METTL2B: variants seen among roughly 807,000 people sequenced by gnomAD.
METTL2B encodes the protein methyltransferase 2B, tRNA N3-cytidine.
In METTL2B, 28 loss-of-function variants were observed where a neutral mutation model predicts 51.0. That is an observed-to-expected ratio of 0.55 (90% CI 0.41 to 0.75). METTL2B has a LOEUF of 0.75. Among genes scored for constraint, METTL2B ranks in the 30% least tolerant of loss-of-function variants. METTL2B has a pLI of 0.00. For missense variants in METTL2B, 313 were observed against 460.7 expected (o/e 0.68, Z 2.93); for synonymous variants, 128 against 166.3 (o/e 0.77, Z 1.77).
chr7:128,501,042 A>T, intron 8 of METTL2B, 74 bp downstream of exon 8: 1 of 1,603,026 alleles, frequency 6.2e-7, no homozygotes, highest in Non-Finnish European at 8.5e-7. Flanking sequence ...CAGAAGGAAA[A>T]CTATCTGGCC....
At chr7:128,490,785 A>G (rs1460432846) in intron 5 of METTL2B, among the ~76,000 whole-genome samples, 1 of 152,194 alleles carries the variant, frequency 6.6e-6, no homozygotes, top group Non-Finnish European at 1.5e-5. Context: ...TAAATACAGC[A>G]GCCCTGTTTG....
rs765973988 is a variant in METTL2B at position 128,479,276 on chromosome 7, A to G, written c.321A>G (p.Gln107=). The G allele has an allele frequency of 1.1e-5, 18 of 1,614,252 alleles. No homozygotes were observed. The highest frequency in any genetic ancestry group is 1.5e-5 in the Non-Finnish European group (18 of 1,180,038). Residue 107 remains glutamine (Q), a synonymous_variant, in exon 3 of 9, where the codon CAA becomes CAG. Coordinates refer to ENST00000262432, the MANE Select transcript of METTL2B (RefSeq NM_018396.3). ...FTEFPELAPS[Q]NQNHLKDWFL... is the part of the protein sequence containing the mutation. ...AATTCCCTGAGCTGGCACCTAGCCA[A>G]AATCAAAATCATTTGAAGGATTGGT...
rs771514640 is a variant in METTL2B, at chr7:128,476,871, G to A, written c.106G>A (p.Ala36Thr). ...TCCGGCGCGCGTCTTCCACCACAAT[G>A]CCTGGTAATCACCCTGCCCCCTCGC... Reference protein sequence around the residue: ...SDPARVFHHNAWDNVEWSEEQ... With the variant: ...SDPARVFHHNTWDNVEWSEEQ... The change falls in exon 1 of 9, where the codon GCC becomes ACC. Residue 36 changes from alanine (A) to threonine (T), a missense_variant. This residue lies in a region of METTL2B where 66 missense variants were observed against 58.2 expected (regional missense o/e 1.13). Coordinates refer to ENST00000262432, the MANE Select transcript of METTL2B (RefSeq NM_018396.3). 1.5e-5 allele frequency: 25 copies of A among 1,613,934 alleles called. No individual in the cohort carries two copies. In the East Asian group the frequency reaches 1.6e-4, roughly 10 times the overall value.
intron 4 of METTL2B, among the ~76,000 whole-genome samples, chr7:128,482,215 A>G (rs1488388075): frequency 1.3e-5 from 2 of 152,112 alleles, no homozygotes; most frequent in Non-Finnish European, 2.9e-5. Context: ...GTACAGTGGC[A>G]CAATCTCGAC....
chr7:128,484,615 T>C (rs1455469657), intron 4 of METTL2B, among the ~76,000 whole-genome samples: 1 of 152,068 alleles, frequency 6.6e-6, no homozygotes, highest in Non-Finnish European at 1.5e-5. Flanking sequence ...GGTTTTGAGG[T>C]GGCATCTTGC....
intron 6 of METTL2B, among the ~76,000 whole-genome samples, chr7:128,495,661 C>T (rs1456237419): frequency 6.6e-6 from 1 of 152,088 alleles, no homozygotes; most frequent in Non-Finnish European, 1.5e-5. Context: ...CCATGTTGGC[C>T]AGGCTGATCT....
chr7:128,486,426 C>G (rs768093267), intron 4 of METTL2B, among the ~76,000 whole-genome samples: 2 of 151,968 alleles, frequency 1.3e-5, no homozygotes, highest in Non-Finnish European at 1.5e-5. Flanking sequence ...ATGGTGAAAC[C>G]CTGTCTCTCC....
chr7:128,496,548 C>T (rs1792925544), intron 6 of METTL2B, among the ~76,000 whole-genome samples: 1 of 151,486 alleles, frequency 6.6e-6, no homozygotes, highest in Non-Finnish European at 1.5e-5. Context: ...GACCCTGTCT[C>T]AAAAAAAACC....
At chr7:128,501,017 T>C in intron 8 of METTL2B, 49 bp downstream of exon 8, 1 of 1,610,878 alleles carries the variant, frequency 6.2e-7, no homozygotes, top group Non-Finnish European at 8.5e-7. Context: ...TACCAGATGG[T>C]CTTCAAGGCA....
chr7:128,481,961 G>A (rs1423359373), intron 4 of METTL2B, among the ~76,000 whole-genome samples: 1 of 152,034 alleles, frequency 6.6e-6, no homozygotes, highest in Non-Finnish European at 1.5e-5. Flanking sequence ...TTTTTATACA[G>A]CTAGGACACA....
chr7:128,480,969 T>C (rs1799865675), intron 4 of METTL2B, among the ~76,000 whole-genome samples: 1 of 152,264 alleles, frequency 6.6e-6, no homozygotes, highest in South Asian at 2.1e-4. Flanking sequence ...ATTGTTTTAA[T>C]TTGATTATCT....
At chr7:128,489,849 C>T (rs1191153191) in intron 5 of METTL2B, among the ~76,000 whole-genome samples, 1 of 151,578 alleles carries the variant, frequency 6.6e-6, no homozygotes, top group Non-Finnish European at 1.5e-5. Flanking sequence ...GGGATGGTCT[C>T]GATCTCCTGA....
chr7:128,488,535 G>A (rs769746797), intron 5 of METTL2B: 1 of 474,452 alleles, frequency 2.1e-6, no homozygotes, highest in South Asian at 1.6e-5. Context: ...ACTTGGTTTG[G>A]GGTTCCACAA....
chr7:128,494,245 G>A lies in METTL2B; in HGVS notation c.809+302G>A, dbSNP rs545470640. ...GGGCTCAAGCAATCCTCCCACCTTG[G>A]CCTCCCAAAGTGCTGGGATTATAGG... On this transcript the variant is annotated intron_variant, in intron 6 of 8. Coordinates refer to ENST00000262432, the MANE Select transcript of METTL2B (RefSeq NM_018396.3). Among the ~76,000 whole-genome samples the A allele has an allele frequency of 3.6e-3, 551 of 152,226 alleles. 3 individuals carry two copies. Among genetic ancestry groups the A allele is most frequent in the Non-Finnish European group, 5.2e-3 (355 of 68,004 alleles).
At chr7:128,496,916 G>A (rs1028020140) in intron 6 of METTL2B, among the ~76,000 whole-genome samples, 1 of 152,124 alleles carries the variant, frequency 6.6e-6, no homozygotes, top group African/African-American at 2.4e-5. Flanking sequence ...AAGTAGCTGG[G>A]ATTACAGGTG....
chr7:128,498,006 G>A, intron 6 of METTL2B, 30 bp from the exon 7 acceptor site: 3 of 1,610,748 alleles, frequency 1.9e-6, no homozygotes, highest in Non-Finnish European at 2.5e-6. Flanking sequence ...AAGGAGACCT[G>A]ATTAACTATA....
At position 128,480,677 on chromosome 7, in the gene METTL2B, C is replaced by G; in HGVS notation, c.589C>G (p.Pro197Ala). 1.2e-6 allele frequency: 2 copies of G among 1,604,820 alleles called. No individual in the cohort carries two copies. The highest frequency in any genetic ancestry group is 1.7e-6 in the Non-Finnish European group (2 of 1,177,344). ...VGCGVGNTVF[P>A]ILQTNNDPGL... ...CTGTGGTGTGGGAAACACAGTCTTT[C>G]CAATTTTACAAACGAACAAGTAAGT... Residue 197 changes from proline (P) to alanine (A), a missense_variant, in exon 4 of 9, where the codon CCA becomes GCA. Transcript: ENST00000262432.
chr7:128,494,816 C>T (rs1404342305), intron 6 of METTL2B, among the ~76,000 whole-genome samples: 4 of 148,746 alleles, frequency 2.7e-5, no homozygotes, highest in African/African-American at 7.5e-5. Context: ...TTAGTAGATA[C>T]GGGGTTTCAC....
chr7:128,484,245 TGA>T lies in METTL2B; in HGVS notation c.608+3552_608+3553del, dbSNP rs1442023478. ...TTTTTTTTTTTTTTTTTTTTTTTTT[TGA>T]GACAGGATTTCTGTCACCCAAGCTG... On this transcript the variant is annotated intron_variant, in intron 4 of 8. Coordinates refer to ENST00000262432, the MANE Select transcript of METTL2B (RefSeq NM_018396.3). 108 of 131,120 alleles carry T rather than the reference TGA, an allele frequency of 8.2e-4. 1 individual carries two copies. Among genetic ancestry groups the T allele is most frequent in the Non-Finnish European group, 1.2e-3 (74 of 62,294 alleles). The allele number at this position is 131,120 out of a possible 1,614,324, so 8.1% of individuals were successfully genotyped here.
Sources: gnomAD v4.1 joint callset for allele counts (sites outside exome capture counted in the v4.1 genomes callset) on GRCh38, gnomAD v4.1.1 for gene constraint, gnomAD v4.1.1 regional missense constraint, MANE v1.5 for transcripts, NCBI Gene and HGNC (gene_info 2026-07-23, HGNC 2026-07-21) for gene names.